Variants in SHROOM3 observed in about 807,000 individuals in gnomAD.
SHROOM3 encodes protein Shroom3.
A neutral mutation model predicts 138.6 loss-of-function variants in SHROOM3; 47 were observed. That is an observed-to-expected ratio of 0.34 (90% CI 0.27 to 0.43). The LOEUF is 0.43. Among genes scored for constraint, SHROOM3 ranks in the 20% least tolerant of loss-of-function variants. SHROOM3 has a pLI of 1.00. For missense variants in SHROOM3, 2,491 were observed against 2,596.5 expected (o/e 0.96, Z 0.88); for synonymous variants, 1,062 against 1,063.3 (o/e 1.00, Z 0.02).
At chr4:76,756,400 T>A in intron 7 of SHROOM3, 49 bp from the exon 8 acceptor site, 1 of 1,538,132 alleles carries the variant, frequency 6.5e-7, no homozygotes, top group Non-Finnish European at 8.8e-7. Flanking sequence ...CTTATCACTC[T>A]CTCTTTCTCT....
At chr4:76,702,900 C>T (rs972884007) in intron 2 of SHROOM3, among the ~76,000 whole-genome samples, 4 of 152,164 alleles carry the variant, frequency 2.6e-5, no homozygotes, top group African/African-American at 9.7e-5. Context: ...CTCCTATCCA[C>T]CCTTTCCTCA....
chr4:76,472,809 C>T (rs925788055), intron 1 of SHROOM3, among the ~76,000 whole-genome samples: 8 of 152,020 alleles, frequency 5.3e-5, no homozygotes, highest in African/African-American at 1.9e-4. Context: ...ATTATTCTGC[C>T]TCAGCCTCCC....
chr4:76,525,380 A>G (rs1455885704), intron 1 of SHROOM3, among the ~76,000 whole-genome samples: 1 of 152,166 alleles, frequency 6.6e-6, no homozygotes, highest in African/African-American at 2.4e-5. Context: ...CCCATGATCT[A>G]ATTATCTCCA....
rs114419726 is a variant in SHROOM3, at chr4:76,740,326, G to A, written c.2153G>A (p.Arg718Gln). Residue 718 changes from arginine (R) to glutamine (Q), a missense_variant, in exon 5 of 11, where the codon CGG becomes CAG. Physicochemically the swap from Arg to Gln is conservative, Grantham distance 43. Coordinates refer to ENST00000296043, the MANE Select transcript of SHROOM3 (RefSeq NM_020859.4). The surrounding 1 kb of genome is among the most constrained non-coding windows in gnomAD (Gnocchi z 4.0). The stretch of plus-strand genomic sequence containing the variant: ...CCTGACCTCGGGAGCCATCTGGACC[G>A]GCAGGTTTCCTACCCGCGGCCCGAG... Reference protein sequence around the residue: ...AAPDLGSHLDRQVSYPRPEGR... With the variant: ...AAPDLGSHLDQQVSYPRPEGR... The A allele has an allele frequency of 2.2e-3, 3,481 of 1,613,090 alleles. 8 individuals carry two copies. The highest frequency in any genetic ancestry group is 2.2e-3 in the Non-Finnish European group (2,564 of 1,180,024).
At chr4:76,528,021 T>G (rs17002049) in intron 1 of SHROOM3, among the ~76,000 whole-genome samples, 6,424 of 152,312 alleles carry the variant, frequency 0.042, 482 homozygotes, top group African/African-American at 0.14. Context: ...TAAAAAGTTA[T>G]TCTAATTTCT....
At chr4:76,567,551 G>A (rs1733752658) in intron 2 of SHROOM3, among the ~76,000 whole-genome samples, 1 of 152,204 alleles carries the variant, frequency 6.6e-6, no homozygotes, top group Non-Finnish European at 1.5e-5. Flanking sequence ...TTAGGAGGCT[G>A]AGGCAGGAGA....
Position 76,778,899 on chromosome 4 carries a change from G to T in SHROOM3, c.5713G>T (p.Val1905Leu). ...GAACCTGGATCGCAGGGAGCGAGTAGTGCTGGGCATCTTGGCCAATTACCT... is the reference window on the plus strand; with the variant it reads ...GAACCTGGATCGCAGGGAGCGAGTATTGCTGGGCATCTTGGCCAATTACCT... The part of the protein sequence containing the change: ...KENLDRRERV[V>L]LGILANYLSE... The change falls in exon 11 of 11, where the codon GTG becomes TTG. Residue 1905 changes from valine (V) to leucine (L), a missense_variant. Transcript: ENST00000296043. The T allele has an allele frequency of 1.2e-6, 2 of 1,613,574 alleles. No homozygotes were observed. The highest frequency in any genetic ancestry group is 8.5e-7 in the Non-Finnish European group (1 of 1,180,034).
At position 76,715,436 on chromosome 4, in the gene SHROOM3, A is replaced by T. The variant is rs996925651; in HGVS notation, c.455+5149A>T. ...TTATCTATCAACAGGAATTCTTATG[A>T]TCTAACTTATCTTGGCAGAAACTTC... On this transcript the variant is annotated intron_variant, in intron 3 of 10. Transcript: ENST00000296043. Among the ~76,000 whole-genome samples the T allele has an allele frequency of 3.3e-5, 5 of 152,222 alleles. No homozygotes were observed. In the East Asian group the frequency reaches 5.8e-4, roughly 18 times the overall value.
At chr4:76,640,529 C>A (rs955679019) in intron 2 of SHROOM3, among the ~76,000 whole-genome samples, 1 of 152,116 alleles carries the variant, frequency 6.6e-6, no homozygotes, top group African/African-American at 2.4e-5. Context: ...AGTAATGTGG[C>A]AAAATCACAG....
Position 76,478,842 on chromosome 4 carries a change from C to T in SHROOM3, c.168+42622C>T, listed in dbSNP as rs1579182123. 3.3e-5 allele frequency among the ~76,000 whole-genome samples: 5 copies of T among 152,274 alleles called. No individual in the cohort carries two copies. The East Asian group carries it at 9.7e-4, about 29-fold the overall frequency. ...CTGGTGATACCCAGGCAAACAGGGT[C>T]TTGAGTGGACCTTCAGCAAACTCTA... On this transcript the variant is annotated intron_variant, in intron 1 of 10. Transcript: ENST00000296043.
intron 2 of SHROOM3, among the ~76,000 whole-genome samples, chr4:76,667,857 A>G (rs1718747409): frequency 6.9e-6 from 1 of 145,778 alleles, no homozygotes; most frequent in African/African-American, 2.6e-5. Context: ...AGTCCTAGCT[A>G]CTCGGGAGGC....
At position 76,573,411 on chromosome 4, in the gene SHROOM3, T is replaced by TAAC. The variant is rs1733870731; in HGVS notation, c.323+17650_323+17651insCAA. 3.4e-5 allele frequency among the ~76,000 whole-genome samples: 5 copies of TAAC among 147,684 alleles called. 1 individual carries two copies. Among genetic ancestry groups the TAAC allele is most frequent in the Middle Eastern group, 7.1e-3 (2 of 280 alleles). On this transcript the variant is annotated intron_variant, in intron 2 of 10. Transcript: ENST00000296043. ...ATAATAATAATAATAATAATAATAA[T>TAAC]AATAATAATAATAATAATTTTTATT...
intron 1 of SHROOM3, among the ~76,000 whole-genome samples, chr4:76,494,691 C>A (rs1437975065): frequency 6.6e-6 from 1 of 152,204 alleles, no homozygotes; most frequent in Non-Finnish European, 1.5e-5. Flanking sequence ...AAAGCAGCCA[C>A]AAAACCTGGT....
chr4:76,616,302 T>C (rs936809453), intron 2 of SHROOM3, among the ~76,000 whole-genome samples: 7 of 152,182 alleles, frequency 4.6e-5, no homozygotes, highest in Admixed American at 4.6e-4. Context: ...TAAATAATGT[T>C]TTTAAAACAA....
chr4:76,595,969 T>A (rs1734374176), intron 2 of SHROOM3, among the ~76,000 whole-genome samples: 1 of 152,234 alleles, frequency 6.6e-6, no homozygotes, highest in Non-Finnish European at 1.5e-5. Flanking sequence ...TGAAGTTCTC[T>A]GCTCCATGGT....
At chr4:76,744,600 T>C (rs1001915397) in intron 5 of SHROOM3, among the ~76,000 whole-genome samples, 1 of 152,248 alleles carries the variant, frequency 6.6e-6, no homozygotes, top group African/African-American at 2.4e-5. Context: ...ATTTTTCCTA[T>C]TGAATAAATT....
In SHROOM3 at chr4:76,548,926, C is replaced by CTT. The variant is rs1560541834; in HGVS notation, c.169-6683_169-6682insTT. On this transcript the variant is annotated intron_variant, in intron 1 of 10. Transcript: ENST00000296043. ...TGAAGTCATTTAACCTGTTGACAGT[C>CTT]GCATTCTTGGAATAAGTAAGTTCCA... Among the ~76,000 whole-genome samples, 515 of 152,286 alleles carry CTT rather than the reference C, an allele frequency of 3.4e-3. 2 individuals carry two copies. Among genetic ancestry groups the CTT allele is most frequent in the African/African-American group, 0.012 (492 of 41,556 alleles).
chr4:76,577,284 G>A (rs1319206239), intron 2 of SHROOM3, among the ~76,000 whole-genome samples: 1 of 152,118 alleles, frequency 6.6e-6, no homozygotes, highest in Non-Finnish European at 1.5e-5. Context: ...TAAAAATATG[G>A]GCAAATCAAA....
chr4:76,653,618 T>A (rs1375591838), intron 2 of SHROOM3, among the ~76,000 whole-genome samples: 1 of 152,004 alleles, frequency 6.6e-6, no homozygotes, highest in African/African-American at 2.4e-5. Context: ...CAGGCTGGAG[T>A]ACAGTGGCAC....
Sources: gnomAD v4.1 joint callset for allele counts (sites outside exome capture counted in the v4.1 genomes callset) on GRCh38, gnomAD v4.1.1 for gene constraint, Gnocchi (gnomAD v3.1) non-coding constraint, MANE v1.5 for transcripts, NCBI Gene and HGNC (gene_info 2026-07-23, HGNC 2026-07-21) for gene names.